The following IMMP2L variants were observed in gnomAD, a reference collection of about 807,000 sequenced individuals.
IMMP2L encodes mitochondrial inner membrane protease subunit 2.
In IMMP2L, 18 loss-of-function variants were observed where a neutral mutation model predicts 19.3. That is an observed-to-expected ratio of 0.93 (90% CI 0.64 to 1.38). The LOEUF is 1.38. Among genes scored for constraint, IMMP2L ranks in the 40% most tolerant of loss-of-function variants. The pLI is 0.00. For missense variants in IMMP2L, 233 were observed against 218.2 expected (o/e 1.07, Z -0.43); for synonymous variants, 76 against 73.0 (o/e 1.04, Z -0.21).
intron 3 of IMMP2L, among the ~76,000 whole-genome samples, chr7:110,969,500 G>A (rs1819915322): frequency 6.6e-6 from 1 of 151,848 alleles, no homozygotes; most frequent in African/African-American, 2.4e-5. Flanking sequence ...TGATATCCCC[G>A]AGAATGCTCC....
intron 5 of IMMP2L, among the ~76,000 whole-genome samples, chr7:110,843,083 A>G (rs1292192862): frequency 6.6e-6 from 1 of 151,982 alleles, no homozygotes; most frequent in African/African-American, 2.4e-5. Flanking sequence ...TTGTGCTGGT[A>G]ATTCTAAAAC....
At chr7:111,368,814 T>C (rs149715424) in intron 3 of IMMP2L, among the ~76,000 whole-genome samples, 3 of 152,132 alleles carry the variant, frequency 2.0e-5, no homozygotes, top group Admixed American at 2.0e-4. Flanking sequence ...TCCAATGGTT[T>C]AGTATACTGG....
At chr7:111,445,624 T>C (rs902239314) in intron 3 of IMMP2L, among the ~76,000 whole-genome samples, 1 of 152,138 alleles carries the variant, frequency 6.6e-6, no homozygotes, top group African/African-American at 2.4e-5. Context: ...AGGTTTCAGA[T>C]TACATGATCC....
At chr7:111,296,456 G>A (rs1020607570) in intron 3 of IMMP2L, among the ~76,000 whole-genome samples, 6 of 151,604 alleles carry the variant, frequency 4.0e-5, no homozygotes, top group Non-Finnish European at 7.4e-5. Flanking sequence ...TTAGGAAATC[G>A]AAATTAAAAC....
At position 110,712,356 on chromosome 7, in the gene IMMP2L, A is replaced by C. The variant is rs1584575732; in HGVS notation, c.409-48635T>G. Among the ~76,000 whole-genome samples the C allele has an allele frequency of 9.6e-5, 3 of 31,250 alleles. 1 individual carries two copies. Among genetic ancestry groups the C allele is most frequent in the Admixed American group, 5.8e-4 (2 of 3,442 alleles). The allele number at this position is 31,250 out of a possible 152,430, so 20.5% of individuals were successfully genotyped here. A position where few individuals can be genotyped will look rare whatever the true frequency, so the allele number is the denominator to read the frequency against. ...GGGTCAGGGACCCACTTGAGGAGGC[A>C]GTCTGCCCGTTCTCAGATCTCCAGC... On this transcript the variant is annotated intron_variant, in intron 5 of 5. Coordinates refer to ENST00000405709, the MANE Select transcript of IMMP2L (RefSeq NM_032549.4).
At chr7:110,819,023 T>C (rs1404526857) in intron 5 of IMMP2L, among the ~76,000 whole-genome samples, 2 of 151,490 alleles carry the variant, frequency 1.3e-5, no homozygotes, top group African/African-American at 4.9e-5. Flanking sequence ...GACGACTTAA[T>C]ATGTGCAGCA....
chr7:111,302,015 G>GTACA (rs1822309089), intron 3 of IMMP2L, among the ~76,000 whole-genome samples: 2 of 144,056 alleles, frequency 1.4e-5, no homozygotes, highest in Admixed American at 7.1e-5. Flanking sequence ...TCACAGAGCT[G>GTACA]TACATGACTA....
intron 3 of IMMP2L, among the ~76,000 whole-genome samples, chr7:111,316,597 T>A (rs983481939): frequency 7.2e-5 from 11 of 152,118 alleles, no homozygotes; most frequent in African/African-American, 2.6e-4. Flanking sequence ...ACACACACAT[T>A]TCTTTATGAA....
At chr7:110,681,729 T>A (rs1792734074) in intron 5 of IMMP2L, among the ~76,000 whole-genome samples, 2 of 152,190 alleles carry the variant, frequency 1.3e-5, no homozygotes, top group Non-Finnish European at 2.9e-5. Context: ...AAAAGGCTTA[T>A]AATTCACAGA....
At chr7:111,402,009 T>C (rs1833462236) in intron 3 of IMMP2L, among the ~76,000 whole-genome samples, 2 of 151,228 alleles carry the variant, frequency 1.3e-5, no homozygotes, top group Admixed American at 1.3e-4. Context: ...ACTCAGGAGG[T>C]TGAGGCAAGA....
chr7:110,830,046 G>A (rs141401327), intron 5 of IMMP2L, among the ~76,000 whole-genome samples: 122 of 152,240 alleles, frequency 8.0e-4, no homozygotes, highest in Middle Eastern at 6.8e-3. Flanking sequence ...AGTCACATAT[G>A]TGCTTAGTGT....
intron 5 of IMMP2L, among the ~76,000 whole-genome samples, chr7:110,781,020 T>G (rs1432064215): frequency 6.6e-6 from 1 of 151,984 alleles, no homozygotes; most frequent in Admixed American, 6.6e-5. Flanking sequence ...TGCTAGAAGT[T>G]AAGATTTTAC....
chr7:110,857,901 C>G lies in IMMP2L; in HGVS notation c.408+28692G>C, dbSNP rs554630394. Among the ~76,000 whole-genome samples the G allele has an allele frequency of 6.6e-5, 10 of 152,190 alleles. No homozygotes were observed. The South Asian group carries it at 1.7e-3, about 25-fold the overall frequency. On this transcript the variant is annotated intron_variant, in intron 5 of 5. Coordinates refer to ENST00000405709, the MANE Select transcript of IMMP2L (RefSeq NM_032549.4). ...TTAAAAAGACACTGCTAGTACACCA[C>G]TCAGCATTAACTCCATCGCCTTGTA...
chr7:111,016,839 T>C, intron 3 of IMMP2L, among the ~76,000 whole-genome samples: 1 of 69,566 alleles, frequency 1.4e-5, no homozygotes, highest in South Asian at 4.5e-4. Flanking sequence ...ATAGTATATA[T>C]TATATATAAT....
In IMMP2L at chr7:111,562,237, C is replaced by G. The variant is rs1792170608; in HGVS notation, c.-389G>C. On this transcript the variant is annotated 5_prime_UTR_variant, in exon 1 of 6. Coordinates refer to ENST00000405709, the MANE Select transcript of IMMP2L (RefSeq NM_032549.4). ...AGGCTGGGGTGGCCGCCGCACGCGC[C>G]TCAGATAAACACGCGCACGCACACA... The G allele has an allele frequency of 6.6e-6, 1 of 152,208 alleles. No homozygotes were observed. Among genetic ancestry groups the G allele is most frequent in the African/African-American group, 2.4e-5 (1 of 41,448 alleles). The allele number at this position is 152,208 out of a possible 1,614,324, so 9.4% of individuals were successfully genotyped here.
chr7:111,220,575 A>T (rs1652585956), intron 3 of IMMP2L, among the ~76,000 whole-genome samples: 1 of 126,070 alleles, frequency 7.9e-6, no homozygotes, highest in South Asian at 2.7e-4. Context: ...CCAGAGAAAC[A>T]TGATGGATGG....
At chr7:111,237,099 C>G (rs1020475404) in intron 3 of IMMP2L, among the ~76,000 whole-genome samples, 1 of 151,778 alleles carries the variant, frequency 6.6e-6, no homozygotes, top group African/African-American at 2.4e-5. Context: ...CAAATAATAC[C>G]CAAAAGAAGA....
At chr7:110,813,217 T>A (rs958914933) in intron 5 of IMMP2L, among the ~76,000 whole-genome samples, 2 of 152,072 alleles carry the variant, frequency 1.3e-5, no homozygotes, top group East Asian at 3.9e-4. Flanking sequence ...CTTTATTCAA[T>A]AACTAATTCT....
At chr7:111,370,727 G>A (rs1033593310) in intron 3 of IMMP2L, among the ~76,000 whole-genome samples, 2 of 151,840 alleles carry the variant, frequency 1.3e-5, no homozygotes, top group African/African-American at 4.8e-5. Flanking sequence ...GCATGTTAAC[G>A]AGATTCCCCT....
Sources: allele counts gnomAD v4.1 joint callset (sites outside exome capture counted in the v4.1 genomes callset), GRCh38; gene constraint gnomAD v4.1.1; transcripts MANE v1.5; gene names NCBI Gene and HGNC (gene_info 2026-07-23, HGNC 2026-07-21).